PCLO: variants seen among roughly 807,000 people sequenced by gnomAD.
The protein encoded by PCLO is piccolo presynaptic cytomatrix protein, also known as protein piccolo.
Under a neutral mutation model 427.5 loss-of-function variants are expected in PCLO, and 82 were observed. The ratio of observed to expected loss-of-function variants is 0.19; its 90% confidence interval spans 0.16 to 0.23. The LOEUF is 0.23. Ranked by LOEUF, PCLO falls within the 10% of genes least tolerant of loss-of-function variation. PCLO has a pLI of 1.00. For missense variants in PCLO, 6,239 were observed against 6,115.9 expected, an observed-to-expected ratio of 1.02 and a Z score of -0.67; for synonymous variants, 2,357 against 2,155.4, an observed-to-expected ratio of 1.09 and a Z score of -2.59.
At position 82,916,700 on chromosome 7, in the gene PCLO, A is replaced by G. The variant is rs1312212823; in HGVS notation, c.11286T>C (p.Ile3762=). The G allele has an allele frequency of 3.7e-6, 6 of 1,613,456 alleles. No homozygotes were observed. Among genetic ancestry groups the G allele is most frequent in the Non-Finnish European group, 5.1e-6 (6 of 1,179,720 alleles). ...CAAGCTCTCTGTCTATGTCCTGGAGAATCTTGGCTCGTGCCATTGTGTTGG... is the reference window on the plus strand; with the variant it reads ...CAAGCTCTCTGTCTATGTCCTGGAGGATCTTGGCTCGTGCCATTGTGTTGG... ...CRTNTMARAK[I]LQDIDRELDL... is the part of the protein sequence containing the mutation. The change falls in exon 7 of 25, where the codon ATT becomes ATC. Residue 3762 remains isoleucine, a synonymous_variant. Transcript: ENST00000333891.
intron 3 of PCLO, among the ~76,000 whole-genome samples, chr7:83,078,519 C>CATTATTATTATTATTATTATT (rs143405758): frequency 0.05 from 7,488 of 150,312 alleles, 366 homozygotes; most frequent in East Asian, 0.19. Context: ...ATGTTGCTAG[C>CATTATTATTATTATTATTATT]ATTATTATTA....
At chr7:82,949,449 C>A in intron 6 of PCLO, 27 bp downstream of exon 6, 1 of 1,508,488 alleles carries the variant, frequency 6.6e-7, no homozygotes, top group South Asian at 1.3e-5. Context: ...CATCCATTGC[C>A]TTCCAACTGA....
intron 23 of PCLO, 57 bp downstream of exon 23, chr7:82,761,302 T>A: frequency 9.8e-7 from 1 of 1,020,334 alleles, no homozygotes; most frequent in Non-Finnish European, 1.4e-6. Context: ...CCAGAATATG[T>A]AAGACACATC....
At chr7:83,002,016 T>C (rs1467540916) in intron 3 of PCLO, among the ~76,000 whole-genome samples, 1 of 152,020 alleles carries the variant, frequency 6.6e-6, no homozygotes, top group Non-Finnish European at 1.5e-5. Context: ...ATCACTATGA[T>C]GAGTCTAGCT....
intron 4 of PCLO, among the ~76,000 whole-genome samples, chr7:82,964,833 A>G (rs1264417318): frequency 6.6e-6 from 1 of 152,212 alleles, no homozygotes; most frequent in Non-Finnish European, 1.5e-5. Context: ...TGTGTGATGC[A>G]TCAGATAGCA....
At chr7:82,811,912 A>T (rs970354768) in intron 20 of PCLO, among the ~76,000 whole-genome samples, 1 of 151,388 alleles carries the variant, frequency 6.6e-6, no homozygotes, top group African/African-American at 2.4e-5. Context: ...GATGACTATT[A>T]GTCATTACAG....
chr7:83,000,846 T>C (rs1457329103), intron 3 of PCLO, among the ~76,000 whole-genome samples: 2 of 152,062 alleles, frequency 1.3e-5, no homozygotes, highest in South Asian at 2.1e-4. Context: ...AGTGTTTTTA[T>C]TCTTAATTAA....
intron 3 of PCLO, among the ~76,000 whole-genome samples, chr7:83,122,712 T>C (rs911657693): frequency 1.3e-5 from 2 of 152,166 alleles, no homozygotes; most frequent in African/African-American, 4.8e-5. Flanking sequence ...TCCATGTCTT[T>C]AAATAATATA....
chr7:83,068,981 G>T (rs1280720117), intron 3 of PCLO, among the ~76,000 whole-genome samples: 1 of 152,146 alleles, frequency 6.6e-6, no homozygotes, highest in Non-Finnish European at 1.5e-5. Flanking sequence ...AGTATTATAT[G>T]ATCTCACTTA....
chr7:83,148,677 T>C (rs1051308950), intron 2 of PCLO, among the ~76,000 whole-genome samples: 3 of 152,308 alleles, frequency 2.0e-5, no homozygotes, highest in Admixed American at 6.5e-5. Flanking sequence ...CTCTCAGGAA[T>C]AGTAAGAATT....
At chr7:82,949,408 C>T in intron 6 of PCLO, 68 bp downstream of exon 6, 3 of 1,275,412 alleles carry the variant, frequency 2.4e-6, no homozygotes, top group Non-Finnish European at 3.3e-6. Context: ...TGATCGCCTC[C>T]TAAAAGTCTG....
At position 82,954,206 on chromosome 7, in the gene PCLO, C is replaced by T. The variant is rs1280914371; in HGVS notation, c.6747G>A (p.Arg2249=). ...YPEEISVSLD[R]TAPPDGRASA... ...TAGCTCTACCATCTGGTGGGGCAGTCCGATCTAAAGATACACTTATTTCTT... is the reference window on the plus strand; with the variant it reads ...TAGCTCTACCATCTGGTGGGGCAGTTCGATCTAAAGATACACTTATTTCTT... Residue 2249 remains arginine, a synonymous_variant, in exon 5 of 25, where the codon CGG becomes CGA. Transcript: ENST00000333891. The T allele has an allele frequency of 4.3e-6, 7 of 1,613,518 alleles. No homozygotes were observed. The South Asian group carries it at 7.7e-5, about 18-fold the overall frequency.
At chr7:82,973,184 G>A (rs1444587578) in intron 3 of PCLO, among the ~76,000 whole-genome samples, 5 of 152,036 alleles carry the variant, frequency 3.3e-5, no homozygotes, top group Admixed American at 3.3e-4. Context: ...CAGTTTATAA[G>A]TATGCATAAT....
chr7:83,088,906 A>G (rs1790307077), intron 3 of PCLO, among the ~76,000 whole-genome samples: 1 of 152,200 alleles, frequency 6.6e-6, no homozygotes, highest in Non-Finnish European at 1.5e-5. Context: ...AAAAATCAAA[A>G]GTGATCATAA....
At chr7:82,967,235 GTGCGATCTCGGCTCGC>G (rs1487843596) in intron 3 of PCLO, among the ~76,000 whole-genome samples, 3 of 148,476 alleles carry the variant, frequency 2.0e-5, no homozygotes, top group Non-Finnish European at 3.0e-5. Context: ...GGGTGCAATG[GTGCGATCTCGGCTCGC>G]TGCAACCTCC....
chr7:83,153,691 T>C (rs1211463017), intron 2 of PCLO, among the ~76,000 whole-genome samples: 1 of 152,200 alleles, frequency 6.6e-6, no homozygotes, highest in Non-Finnish European at 1.5e-5. Flanking sequence ...CTTACAAAAA[T>C]GAATCCCTCA....
intron 6 of PCLO, among the ~76,000 whole-genome samples, chr7:82,923,133 A>G (rs1451087264): frequency 2.6e-5 from 4 of 152,046 alleles, no homozygotes; most frequent in East Asian, 1.9e-4. Context: ...ATAATTATGT[A>G]TATGTATTGG....
chr7:83,096,681 T>C (rs1584018195), intron 3 of PCLO, among the ~76,000 whole-genome samples: 1 of 103,086 alleles, frequency 9.7e-6, no homozygotes, highest in Non-Finnish European at 1.9e-5. Context: ...CAATATTTTT[T>C]AAACAAATAA....
chr7:82,874,131 G>C (rs1793309282), intron 10 of PCLO, among the ~76,000 whole-genome samples: 1 of 151,868 alleles, frequency 6.6e-6, no homozygotes, highest in African/African-American at 2.4e-5. Context: ...AATCCTGCGA[G>C]GAGTGACATC....
Sources: allele counts gnomAD v4.1 joint callset (sites outside exome capture counted in the v4.1 genomes callset), GRCh38; gene constraint gnomAD v4.1.1; transcripts MANE v1.5; gene names NCBI Gene and HGNC (gene_info 2026-07-23, HGNC 2026-07-21).